Variants in SPSB4 observed in about 807,000 individuals in gnomAD.
SPSB4 encodes the protein SPRY domain-containing SOCS box protein 4.
Under a neutral mutation model 20.9 loss-of-function variants are expected in SPSB4, and 21 were observed. The observed-to-expected ratio is 1.01, with a 90% CI of 0.71 to 1.45. The LOEUF is 1.45. Among genes scored for constraint, SPSB4 ranks in the 40% most tolerant of loss-of-function variants. The probability of loss-of-function intolerance (pLI) is 0.00; values close to 1 mark genes in which losing one functional copy is unlikely to be tolerated. For missense variants in SPSB4, 399 were observed against 399.2 expected, an observed-to-expected ratio of 1.00 and a Z score of 0.00; for synonymous variants, 207 against 183.8, an observed-to-expected ratio of 1.13 and a Z score of -1.02.
chr3:141,078,986 G>T (rs1263074271), intron 2 of SPSB4, among the ~76,000 whole-genome samples: 1 of 152,228 alleles, frequency 6.6e-6, no homozygotes, highest in East Asian at 1.9e-4. Context: ...TTGGGGCCGG[G>T]CACGGTGGCT....
At chr3:141,134,030 C>CT (rs1207127072) in intron 2 of SPSB4, among the ~76,000 whole-genome samples, 2 of 37,772 alleles carry the variant, frequency 5.3e-5, no homozygotes, top group Admixed American at 2.5e-4. Context: ...TTTTTTTTTT[C>CT]TTTTCTTTTT....
chr3:141,145,593 C>T (rs1308294377), intron 2 of SPSB4, among the ~76,000 whole-genome samples: 1 of 152,164 alleles, frequency 6.6e-6, no homozygotes, highest in African/African-American at 2.4e-5. Context: ...TAGTATTTAC[C>T]ACTCAACAGT....
intron 2 of SPSB4, among the ~76,000 whole-genome samples, chr3:141,086,566 ATGGTACAGTATT>A (rs1330797010): frequency 3.9e-5 from 6 of 152,236 alleles, no homozygotes; most frequent in African/African-American, 1.4e-4. Flanking sequence ...CTCTTTGGCC[ATGGTACAGTATT>A]TGGATCCAAC....
At chr3:141,059,169 G>T (rs1464625584) in intron 1 of SPSB4, among the ~76,000 whole-genome samples, 1 of 152,108 alleles carries the variant, frequency 6.6e-6, no homozygotes, top group Admixed American at 6.5e-5. Flanking sequence ...TACAGGGCAG[G>T]CCCCAGGAGG....
At chr3:141,102,940 C>G (rs1189481008) in intron 2 of SPSB4, among the ~76,000 whole-genome samples, 1 of 152,174 alleles carries the variant, frequency 6.6e-6, no homozygotes, top group Non-Finnish European at 1.5e-5. Flanking sequence ...CACTTGGACT[C>G]CAGGACTCCC....
Position 141,066,361 on chromosome 3 carries a change from G to A in SPSB4, c.257G>A (p.Gly86Asp), listed in dbSNP as rs1463287919. 1.3e-6 allele frequency: 2 copies of A among 1,556,740 alleles called. No homozygotes were observed. The highest frequency in any genetic ancestry group is 8.7e-7 in the Non-Finnish European group (1 of 1,152,698). Residue 86 changes from glycine to aspartate, a missense_variant, in exon 2 of 3, where the codon GGC (glycine) becomes GAC (aspartate). Gly to Asp is a moderately conservative substitution (Grantham distance 94). Transcript: ENST00000310546. Reference protein sequence around the residue: ...HRHPVAQSTDGIRGKVGHARG... With the variant: ...HRHPVAQSTDDIRGKVGHARG... ...CACCCCGTGGCCCAGAGCACCGACG[G>A]CATCCGCGGCAAGGTGGGCCACGCC...
chr3:141,070,328 T>C (rs1937976027), intron 2 of SPSB4, among the ~76,000 whole-genome samples: 1 of 152,072 alleles, frequency 6.6e-6, no homozygotes, highest in African/African-American at 2.4e-5. Flanking sequence ...GTTGTTGTTT[T>C]TTGTTTGTTC....
chr3:141,090,031 A>G (rs1938421297), intron 2 of SPSB4, among the ~76,000 whole-genome samples: 2 of 140,214 alleles, frequency 1.4e-5, no homozygotes, highest in African/African-American at 5.5e-5. Flanking sequence ...CCTCCCTTAC[A>G]GACCACTTAT....
intron 1 of SPSB4, among the ~76,000 whole-genome samples, chr3:141,057,345 G>A (rs1937667328): frequency 6.6e-6 from 1 of 152,150 alleles, no homozygotes; most frequent in African/African-American, 2.4e-5. Flanking sequence ...GTTAAACTAA[G>A]GTCAGGCACC....
At chr3:141,139,399 G>A (rs575765058) in intron 2 of SPSB4, among the ~76,000 whole-genome samples, 35 of 152,286 alleles carry the variant, frequency 2.3e-4, no homozygotes, top group African/African-American at 8.2e-4. Context: ...TGGCTATTTT[G>A]CTCGTTAGTT....
At chr3:141,138,035 A>T (rs1456911332) in intron 2 of SPSB4, among the ~76,000 whole-genome samples, 1 of 152,172 alleles carries the variant, frequency 6.6e-6, no homozygotes, top group African/African-American at 2.4e-5. Context: ...CTATTCAGAG[A>T]TTCAACTTCT....
chr3:141,099,098 C>A (rs1215078363), intron 2 of SPSB4, among the ~76,000 whole-genome samples: 1 of 152,146 alleles, frequency 6.6e-6, no homozygotes, highest in East Asian at 1.9e-4. Context: ...TCTTAAAGGT[C>A]CCATCTCTTA....
chr3:141,078,722 G>C (rs1184339293), intron 2 of SPSB4, among the ~76,000 whole-genome samples: 1 of 152,210 alleles, frequency 6.6e-6, no homozygotes, highest in Non-Finnish European at 1.5e-5. Context: ...AGGGGCCTCT[G>C]GGTTAAGCGC....
At position 141,066,023 on chromosome 3, in the gene SPSB4, C is replaced by T. The variant is rs1371463454; in HGVS notation, c.-82C>T. On this transcript the variant is annotated 5_prime_UTR_variant, in exon 2 of 3. Transcript: ENST00000310546. The stretch of plus-strand genomic sequence containing the variant: ...CGTCCGGAAGCCTGGTTCCCAGCCC[C>T]GTGGCCCATTCCTGGCTACGGGGAG... 3.1e-6 allele frequency: 4 copies of T among 1,273,086 alleles called. No homozygotes were observed. Among genetic ancestry groups the T allele is most frequent in the East Asian group, 2.9e-5 (1 of 34,042 alleles). The allele number at this position is 1,273,086 out of a possible 1,614,324, so 78.9% of individuals were successfully genotyped here.
chr3:141,100,470 C>T (rs917236293), intron 2 of SPSB4, among the ~76,000 whole-genome samples: 1 of 152,160 alleles, frequency 6.6e-6, no homozygotes, highest in Non-Finnish European at 1.5e-5. Context: ...GCCGGTAAAC[C>T]ACCGGAAGCT....
At chr3:141,076,698 G>A (rs891714144) in intron 2 of SPSB4, among the ~76,000 whole-genome samples, 1 of 152,176 alleles carries the variant, frequency 6.6e-6, no homozygotes, top group Non-Finnish European at 1.5e-5. Flanking sequence ...GCCTACTCCA[G>A]CACCCACACC....
chr3:141,091,743 G>A (rs1197098840), intron 2 of SPSB4, among the ~76,000 whole-genome samples: 2 of 152,220 alleles, frequency 1.3e-5, no homozygotes, highest in Non-Finnish European at 2.9e-5. Context: ...TAATGTGGAC[G>A]CTGACTTCGC....
Position 141,136,554 on chromosome 3 carries a change from A to G in SPSB4, c.695-10588A>G, listed in dbSNP as rs143540192. On this transcript the variant is annotated intron_variant, in intron 2 of 2. Coordinates refer to ENST00000310546, the MANE Select transcript of SPSB4 (RefSeq NM_080862.3). The stretch of plus-strand genomic sequence containing the variant: ...AAGGGATCCAGTTTCAGCTTTCTAC[A>G]TATGGCTAGCCAGTTTTCCCAGCAC... Among the ~76,000 whole-genome samples the G allele has an allele frequency of 9.5e-3, 1,454 of 152,326 alleles. 27 individuals carry two copies. Among genetic ancestry groups the G allele is most frequent in the African/African-American group, 0.034 (1,395 of 41,560 alleles).
At chr3:141,082,070 C>T (rs1295326556) in intron 2 of SPSB4, among the ~76,000 whole-genome samples, 1 of 152,186 alleles carries the variant, frequency 6.6e-6, no homozygotes, top group African/African-American at 2.4e-5. Context: ...TTCTCTTTTC[C>T]TCCTGACCTG....
Sources: allele counts gnomAD v4.1 joint callset (sites outside exome capture counted in the v4.1 genomes callset), GRCh38; gene constraint gnomAD v4.1.1; transcripts MANE v1.5; gene names NCBI Gene and HGNC (gene_info 2026-07-23, HGNC 2026-07-21).